The following TNFRSF10B variants were observed in gnomAD, a reference collection of about 807,000 sequenced individuals.
TNFRSF10B encodes the protein tumor necrosis factor receptor superfamily member 10B.
Under a neutral mutation model 41.4 loss-of-function variants are expected in TNFRSF10B, and 35 were observed. The observed-to-expected ratio is 0.85, with a 90% CI of 0.65 to 1.12. The LOEUF (loss-of-function observed/expected upper bound fraction) is 1.12, where lower values mean the gene tolerates loss of function less well. TNFRSF10B is among the 50% of genes most tolerant of loss of function. The pLI, the probability that TNFRSF10B is intolerant of heterozygous loss-of-function variation, is 0.00. For synonymous variants in TNFRSF10B, 230 were observed against 215.5 expected, an observed-to-expected ratio of 1.07 and a Z score of -0.59; for missense variants, 584 against 552.7, an observed-to-expected ratio of 1.06 and a Z score of -0.57.
chr8:23,027,107 A>G, intron 7 of TNFRSF10B, 26 bp downstream of exon 7: 2 of 1,613,516 alleles, frequency 1.2e-6, no homozygotes, highest in Non-Finnish European at 1.7e-6. Context: ...CATGCCAGGA[A>G]ACAAAATGAT....
rs1217964827 is a variant in TNFRSF10B, at chr8:23,043,263, A to T, written c.145-20T>A. ...TGAGACCTGTGGGGACAAAGCAGGG[A>T]TGGGCATGAGTGGCTTCCAGACCTC... On this transcript the variant is annotated intron_variant, in intron 1 of 8. Coordinates refer to ENST00000276431, the MANE Select transcript of TNFRSF10B (RefSeq NM_003842.5). The T allele has an allele frequency of 6.2e-7, 1 of 1,610,068 alleles. No individual in the cohort carries two copies. Among genetic ancestry groups the T allele is most frequent in the South Asian group, 1.1e-5 (1 of 90,844 alleles).
intron 1 of TNFRSF10B, among the ~76,000 whole-genome samples, chr8:23,047,890 G>A (rs1812409538): frequency 6.6e-6 from 1 of 152,184 alleles, no homozygotes; most frequent in African/African-American, 2.4e-5. Flanking sequence ...GTATATCAAG[G>A]AGATATCTGC....
intron 1 of TNFRSF10B, among the ~76,000 whole-genome samples, chr8:23,055,329 C>G (rs1243412820): frequency 6.6e-6 from 1 of 152,028 alleles, no homozygotes; most frequent in Non-Finnish European, 1.5e-5. Flanking sequence ...GACCCTCTCT[C>G]AGCTGAAAGT....
intron 2 of TNFRSF10B, among the ~76,000 whole-genome samples, chr8:23,040,112 C>G (rs1283946107): frequency 6.6e-6 from 1 of 151,348 alleles, no homozygotes; most frequent in Non-Finnish European, 1.5e-5. Context: ...ACCCAGCAGC[C>G]ATAGGCTGCA....
intron 1 of TNFRSF10B, among the ~76,000 whole-genome samples, chr8:23,052,566 G>A (rs1014917752): frequency 2.6e-5 from 4 of 152,088 alleles, no homozygotes; most frequent in Admixed American, 1.3e-4. Flanking sequence ...GATTACACGC[G>A]TGAGCCACCA....
intron 2 of TNFRSF10B, among the ~76,000 whole-genome samples, chr8:23,035,864 T>C (rs957458250): frequency 1.3e-5 from 2 of 152,186 alleles, no homozygotes; most frequent in Admixed American, 1.3e-4. Flanking sequence ...CACCTAAAAA[T>C]GTGCTAGTTT....
rs1812263624 is a variant in TNFRSF10B, at chr8:23,043,341, C to G, written c.145-98G>C. ...CTTGAGCCCAGGCACCCAAGCTAAA[C>G]AGAACCCTCATCTTTCTTGCAGCTC... On this transcript the variant is annotated intron_variant, in intron 1 of 8. Transcript: ENST00000276431. 4.7e-6 allele frequency: 4 copies of G among 859,952 alleles called. No homozygotes were observed. In the African/African-American group the frequency reaches 6.7e-5, roughly 14 times the overall value. 53.3% of individuals were successfully genotyped at this position (859,952 alleles called of 1,614,324 possible).
At chr8:23,061,380 C>T (rs1812827341) in intron 1 of TNFRSF10B, among the ~76,000 whole-genome samples, 1 of 152,108 alleles carries the variant, frequency 6.6e-6, no homozygotes, top group South Asian at 2.1e-4. Flanking sequence ...TACTGAACAA[C>T]AATAAATTTC....
At chr8:23,068,501 C>T (rs1431831334) in intron 1 of TNFRSF10B, 15 of 577,288 alleles carry the variant, frequency 2.6e-5, no homozygotes, top group Non-Finnish European at 3.6e-5. Flanking sequence ...CTCCTTGTCG[C>T]CCTCCCCCAC....
chr8:23,033,028 G>T (rs1811924223), intron 2 of TNFRSF10B, among the ~76,000 whole-genome samples: 1 of 152,100 alleles, frequency 6.6e-6, no homozygotes, highest in Non-Finnish European at 1.5e-5. Flanking sequence ...TTCTCACCAG[G>T]AACCATAGAG....
chr8:23,068,638 G>A, intron 1 of TNFRSF10B, 113 bp downstream of exon 1: 1 of 1,459,840 alleles, frequency 6.9e-7, no homozygotes. Context: ...GCCCGGACAT[G>A]CCCGGCCGCA....
At chr8:23,054,066 T>G (rs1238418543) in intron 1 of TNFRSF10B, among the ~76,000 whole-genome samples, 1 of 152,248 alleles carries the variant, frequency 6.6e-6, no homozygotes, top group Non-Finnish European at 1.5e-5. Context: ...AAATAATTGT[T>G]GTCTGTCTTG....
intron 2 of TNFRSF10B, among the ~76,000 whole-genome samples, chr8:23,032,855 C>T (rs1811919459): frequency 6.6e-6 from 1 of 152,092 alleles, no homozygotes. Context: ...GTCTGCACAT[C>T]CAAGAAACTC....
At chr8:23,042,545 G>T (rs1812233479) in intron 2 of TNFRSF10B, among the ~76,000 whole-genome samples, 1 of 152,074 alleles carries the variant, frequency 6.6e-6, no homozygotes, top group Non-Finnish European at 1.5e-5. Context: ...TCACACTCAA[G>T]GCCCTCCACC....
chr8:23,063,379 C>A (rs1318626316), intron 1 of TNFRSF10B, among the ~76,000 whole-genome samples: 1 of 151,464 alleles, frequency 6.6e-6, no homozygotes. Flanking sequence ...GTTTCCATTT[C>A]ATTTCATCTC....
At chr8:23,024,363 C>T (rs1408149160) in intron 7 of TNFRSF10B, 103 bp from the exon 8 acceptor site, 11 of 1,268,860 alleles carry the variant, frequency 8.7e-6, no homozygotes, top group Non-Finnish European at 1.3e-5. Context: ...CACGTCACTT[C>T]CAGAACATTG....
At chr8:23,046,211 T>C (rs570482646) in intron 1 of TNFRSF10B, among the ~76,000 whole-genome samples, 6 of 152,270 alleles carry the variant, frequency 3.9e-5, no homozygotes, top group African/African-American at 1.4e-4. Context: ...ACCAAAAAAC[T>C]GTTAGAAATT....
At chr8:23,051,923 G>A (rs1304915187) in intron 1 of TNFRSF10B, among the ~76,000 whole-genome samples, 2 of 152,160 alleles carry the variant, frequency 1.3e-5, no homozygotes, top group Admixed American at 1.3e-4. Context: ...GGAAAGGACT[G>A]TTATCACATT....
chr8:23,067,273 C>A (rs1462234916), intron 1 of TNFRSF10B, among the ~76,000 whole-genome samples: 1 of 151,794 alleles, frequency 6.6e-6, no homozygotes, highest in Non-Finnish European at 1.5e-5. Flanking sequence ...CTACCAGACC[C>A]GGCTGTTGTG....
Sources: gnomAD v4.1 joint callset for allele counts (sites outside exome capture counted in the v4.1 genomes callset) on GRCh38, gnomAD v4.1.1 for gene constraint, MANE v1.5 for transcripts, NCBI Gene and HGNC (gene_info 2026-07-23, HGNC 2026-07-21) for gene names.